The following LTK variants were observed in gnomAD, a reference collection of about 807,000 sequenced individuals.
The protein encoded by LTK is leukocyte tyrosine kinase receptor.
LTK carries 117 observed loss-of-function variants against 101.5 expected under a neutral mutation model. That is an observed-to-expected ratio of 1.15 (90% CI 0.99 to 1.34). The LOEUF (loss-of-function observed/expected upper bound fraction) is 1.34. Ranked by LOEUF, LTK falls within the 40% of genes most tolerant of loss-of-function variation. LTK has a pLI of 0.00. For synonymous variants in LTK, 563 were observed against 494.2 expected (o/e 1.14, Z -1.85); for missense variants, 1,252 against 1,164.7 (o/e 1.07, Z -1.09).
intron 12 of LTK, 51 bp from the exon 13 acceptor site, chr15:41,505,828 A>AG (rs772503693): frequency 1.9e-6 from 3 of 1,606,286 alleles, no homozygotes; most frequent in Non-Finnish European, 2.6e-6. Flanking sequence ...GCTTCAGGAG[A>AG]GGGGGTTAAC....
chr15:41,507,884 T>A (rs759216090), intron 9 of LTK, among the ~76,000 whole-genome samples, 185 bp downstream of exon 9: 5 of 152,122 alleles, frequency 3.3e-5, no homozygotes, highest in Non-Finnish European at 7.4e-5. Flanking sequence ...TATCTAAACA[T>A]CCTCCCACAC....
In LTK at chr15:41,511,752, G is replaced by C; in HGVS notation, c.657+65C>G. 6.9e-7 allele frequency: 1 copy of C among 1,449,008 alleles called. No individual in the cohort carries two copies. Among genetic ancestry groups the C allele is most frequent in the South Asian group, 1.4e-5 (1 of 72,064 alleles). 89.8% of individuals were successfully genotyped at this position (1,449,008 alleles called of 1,614,324 possible). A position where few individuals can be genotyped will look rare whatever the true frequency, so the allele number is the denominator to read the frequency against. On this transcript the variant is annotated intron_variant, in intron 5 of 19. Coordinates refer to ENST00000263800, the MANE Select transcript of LTK (RefSeq NM_002344.6). This position sits in a 1 kb window ranked among gnomAD's most constrained non-coding sequence, Gnocchi z 5.9. ...GACCCCAAGGGACGGACGGAGAGCCGGTGCGTGAGCGCCCCTGGGGAGAGG... is the reference window on the plus strand; with the variant it reads ...GACCCCAAGGGACGGACGGAGAGCCCGTGCGTGAGCGCCCCTGGGGAGAGG...
chr15:41,506,604 T>C (rs1372750311), intron 11 of LTK, among the ~76,000 whole-genome samples: 4 of 151,398 alleles, frequency 2.6e-5, no homozygotes, highest in Admixed American at 2.6e-4. Flanking sequence ...TATTTTTTTT[T>C]TATTGAGACA....
Position 41,512,190 on chromosome 15 carries a change from T to C in LTK, c.435A>G (p.Ser145=). Residue 145 remains serine, a synonymous_variant, in exon 4 of 20, where the codon TCA becomes TCG. Transcript: ENST00000263800. The part of the protein sequence containing the change: ...HLSRAHGVFV[S]AIFSLGLGES... ...CCCCGAGACCGAGGGAGAAGATTGC[T>C]GAGACGAAGACGCCATGCGCCCGCG... is the stretch of plus-strand genomic sequence containing the variant. The C allele has an allele frequency of 6.2e-7, 1 of 1,612,574 alleles. No homozygotes were observed. Among genetic ancestry groups the C allele is most frequent in the Non-Finnish European group, 8.5e-7 (1 of 1,179,716 alleles).
At chr15:41,508,454 C>CA (rs1555390931) in intron 8 of LTK, among the ~76,000 whole-genome samples, 2 of 151,508 alleles carry the variant, frequency 1.3e-5, no homozygotes, top group Admixed American at 1.3e-4. Context: ...GCTACTCCAG[C>CA]ACTGAGGCTG....
In LTK at chr15:41,505,546, G is replaced by A. The variant is rs1208259846; in HGVS notation, c.1698-16C>T. 1.9e-6 allele frequency: 3 copies of A among 1,613,476 alleles called. No individual in the cohort carries two copies. Among genetic ancestry groups the A allele is most frequent in the Non-Finnish European group, 1.7e-6 (2 of 1,179,808 alleles). On this transcript the variant is annotated splice_polypyrimidine_tract_variant and intron_variant, in intron 13 of 19. Transcript: ENST00000263800. ...GCGAAACTTGCTGAGTGGGGTGGGG[G>A]ACATATCCCGTTACCAGGAGGGAGA... is the stretch of plus-strand genomic sequence containing the variant.
rs781601880 is a variant in LTK, at chr15:41,505,000, C to T, written c.1990G>A (p.Asp664Asn). ...AGPSRVAKIG[D>N]FGMARDIYRA... Reference sequence around the variant, plus strand: ...TAGATATCTCGTGCCATCCCAAAGTCCCCAATCTTGGCCACTCGGCTGGGT... The same window carrying T: ...TAGATATCTCGTGCCATCCCAAAGTTCCCAATCTTGGCCACTCGGCTGGGT... The change falls in exon 16 of 20, where the codon GAC (aspartate) becomes AAC (asparagine). Residue 664 changes from aspartate to asparagine, a missense_variant. Asp to Asn is a conservative substitution (Grantham distance 23, BLOSUM62 1). Transcript: ENST00000263800. 4 of 1,613,378 alleles carry T rather than the reference C, an allele frequency of 2.5e-6. No individual in the cohort carries two copies. The South Asian group carries it at 4.4e-5, about 18-fold the overall frequency.
Position 41,512,766 on chromosome 15 carries a change from C to G in LTK, c.300G>C (p.Gly100=), listed in dbSNP as rs372924578. The change falls in exon 3 of 20, where the codon GGG becomes GGC. Residue 100 remains glycine (G), a synonymous_variant. Coordinates refer to ENST00000263800, the MANE Select transcript of LTK (RefSeq NM_002344.6). The stretch of plus-strand genomic sequence containing the variant: ...GCACGCCTCTCAGCTGCCCGGCGGC[C>G]CCCACGGTCACCACCACGCTGGTCC... ...YAGTSVVVTV[G]AAGQLRGVQL... is the part of the protein sequence containing the mutation. The G allele has an allele frequency of 3.2e-4, 520 of 1,610,458 alleles. 1 individual carries two copies. The highest frequency in any genetic ancestry group is 5.0e-4 in the Middle Eastern group (3 of 5,958).
chr15:41,505,040 C>G lies in LTK; in HGVS notation c.1950G>C (p.Leu650=). ...CTCGGCTGGGTCCAGCGCAGCTCAG[C>G]AGGCAGTTCCGGGCGGCAATATCCC... ...IHRDIAARNC[L]LSCAGPSRVA... The change falls in exon 16 of 20, where the codon CTG becomes CTC. Residue 650 remains leucine (L), a synonymous_variant. Coordinates refer to ENST00000263800, the MANE Select transcript of LTK (RefSeq NM_002344.6). 6.2e-7 allele frequency: 1 copy of G among 1,613,402 alleles called. No individual in the cohort carries two copies. Among genetic ancestry groups the G allele is most frequent in the Non-Finnish European group, 8.5e-7 (1 of 1,179,626 alleles).
rs201381932 is a variant in LTK at position 41,507,675 on chromosome 15, C to G, written c.1250-18G>C. On this transcript the variant is annotated intron_variant, in intron 9 of 19. Transcript: ENST00000263800. ...GTGCAGGTCTAGGGAGAAAGAGAGA[C>G]ACCTCCAGTGGGAAGGTCTTCTCTG... is the stretch of plus-strand genomic sequence containing the variant. The G allele has an allele frequency of 1.9e-6, 3 of 1,608,442 alleles. No homozygotes were observed. The East Asian group carries it at 6.7e-5, about 36-fold the overall frequency.
At position 41,506,309 on chromosome 15, in the gene LTK, T is replaced by C. The variant is rs529030496; in HGVS notation, c.1542-304A>G. On this transcript the variant is annotated intron_variant, in intron 11 of 19. Transcript: ENST00000263800. The stretch of plus-strand genomic sequence containing the variant: ...AATCCCTGGGCTCCAAGAGTCATGA[T>C]TTTTTTTCTTTTTTAAACGAAGTCT... Among the ~76,000 whole-genome samples the C allele has an allele frequency of 3.3e-5, 5 of 152,182 alleles. No homozygotes were observed. The South Asian group carries it at 6.2e-4, about 19-fold the overall frequency.
intron 1 of LTK, 81 bp downstream of exon 1, chr15:41,513,579 ACTGACAC>A: frequency 8.0e-7 from 1 of 1,244,486 alleles, no homozygotes; most frequent in African/African-American, 1.5e-5. Flanking sequence ...TGGAGGAACC[ACTGACAC>A]CTGGCCTGTT....
At chr15:41,510,005 ATTTTC>A (rs754181783) in intron 7 of LTK, among the ~76,000 whole-genome samples, 2 of 151,794 alleles carry the variant, frequency 1.3e-5, no homozygotes, top group Non-Finnish European at 2.9e-5. Context: ...GCTCTTACCA[ATTTTC>A]TTTTCTTTTT....
chr15:41,506,339 C>G (rs183608749), intron 11 of LTK, among the ~76,000 whole-genome samples: 206 of 152,338 alleles, frequency 1.4e-3, no homozygotes, highest in African/African-American at 4.6e-3. Flanking sequence ...AAGTCTCACT[C>G]TGTCATGCAG....
chr15:41,504,811 G>A lies in LTK; in HGVS notation c.2082C>T (p.Ala694=). ...LLPVKWMPPE[A]FLEGIFTSKT... ...TGGATGTGAAGATGCCCTCCAGGAAGGCCTCTGGGGGCATCCACTTGACTG... is the reference window on the plus strand; with the variant it reads ...TGGATGTGAAGATGCCCTCCAGGAAAGCCTCTGGGGGCATCCACTTGACTG... Residue 694 remains alanine (A), a synonymous_variant, in exon 17 of 20, where the codon GCC becomes GCT. Coordinates refer to ENST00000263800, the MANE Select transcript of LTK (RefSeq NM_002344.6). 6.2e-7 allele frequency: 1 copy of A among 1,613,276 alleles called. No individual in the cohort carries two copies. The highest frequency in any genetic ancestry group is 8.5e-7 in the Non-Finnish European group (1 of 1,179,852).
In LTK at chr15:41,505,538, G is replaced by A. The variant is rs142822662; in HGVS notation, c.1698-8C>T. 25,844 of 1,613,690 alleles carry A rather than the reference G, an allele frequency of 0.016. 239 individuals are homozygous for A. Among genetic ancestry groups the A allele is most frequent in the Non-Finnish European group, 0.02 (23,052 of 1,179,888 alleles). ...TTCTGATGGCGAAACTTGCTGAGTG[G>A]GGTGGGGGACATATCCCGTTACCAG... is the stretch of plus-strand genomic sequence containing the variant. On this transcript the variant is annotated splice_polypyrimidine_tract_variant and splice_region_variant and intron_variant, in intron 13 of 19. Transcript: ENST00000263800.
At position 41,511,767 on chromosome 15, in the gene LTK, C is replaced by A; in HGVS notation, c.657+50G>T. 6.8e-7 allele frequency: 1 copy of A among 1,473,422 alleles called. No homozygotes were observed. The allele number at this position is 1,473,422 out of a possible 1,614,324, so 91.3% of individuals were successfully genotyped here. On this transcript the variant is annotated intron_variant, in intron 5 of 19. Transcript: ENST00000263800. The surrounding 1 kb of genome is among the most constrained non-coding windows in gnomAD (Gnocchi z 5.9). ...ACGGAGAGCCGGTGCGTGAGCGCCC[C>A]TGGGGAGAGGATTGGGACCCCAACG...
chr15:41,513,570 G>A, intron 1 of LTK, 97 bp downstream of exon 1: 1 of 1,170,480 alleles, frequency 8.5e-7, no homozygotes, highest in African/African-American at 1.5e-5. Context: ...CGAGGCCTCT[G>A]GAGGAACCAC....
rs1400530959 is a variant in LTK at position 41,511,977 on chromosome 15, G to A, written c.511-14C>T. 2 of 1,465,564 alleles carry A rather than the reference G, an allele frequency of 1.4e-6. No individual in the cohort carries two copies. The highest frequency in any genetic ancestry group is 2.9e-5 in the African/African-American group (2 of 68,460). The allele number at this position is 1,465,564 out of a possible 1,614,324, so 90.8% of individuals were successfully genotyped here. ...CTCCGGGCTACCCTGCGGGCAGCGG[G>A]GGAGGGAATCGGCGGGGCCCGGGAG... On this transcript the variant is annotated splice_polypyrimidine_tract_variant and intron_variant, in intron 4 of 19. Transcript: ENST00000263800. This position sits in a 1 kb window ranked among gnomAD's most constrained non-coding sequence, Gnocchi z 5.9.
Sources: allele counts gnomAD v4.1 joint callset (sites outside exome capture counted in the v4.1 genomes callset), GRCh38; gene constraint gnomAD v4.1.1; non-coding constraint Gnocchi (gnomAD v3.1); transcripts MANE v1.5; gene names NCBI Gene and HGNC (gene_info 2026-07-23, HGNC 2026-07-21).